The following MMP20 variants were observed in gnomAD, a reference collection of about 807,000 sequenced individuals.
The protein encoded by MMP20 is matrix metalloproteinase-20.
In MMP20, 50 loss-of-function variants were observed where a neutral mutation model predicts 51.8. The ratio of observed to expected loss-of-function variants is 0.97; its 90% CI spans 0.77 to 1.22. MMP20 has a LOEUF of 1.22. Among genes scored for constraint, MMP20 ranks in the 50% most tolerant of loss-of-function variants. The pLI, the probability that MMP20 is intolerant of heterozygous loss-of-function variation, is 0.00. For synonymous variants in MMP20, 244 were observed against 216.2 expected (o/e 1.13, Z -1.13); for missense variants, 663 against 601.4 (o/e 1.10, Z -1.07).
chr11:102,597,713 A>C (rs1251556650), intron 6 of MMP20, among the ~76,000 whole-genome samples: 2 of 152,240 alleles, frequency 1.3e-5, no homozygotes, highest in Non-Finnish European at 2.9e-5. Context: ...TATAATGTGC[A>C]CATAGGATAG....
chr11:102,602,116 A>ATTTTTTTTTTT (rs10593493), intron 6 of MMP20, among the ~76,000 whole-genome samples: 33 of 109,646 alleles, frequency 3.0e-4, no homozygotes, highest in African/African-American at 4.2e-4. Flanking sequence ...CGCCCGGCTA[A>ATTTTTTTTTTT]TTTTTTTTTT....
chr11:102,602,543 C>T (rs999125388), intron 6 of MMP20, among the ~76,000 whole-genome samples: 2 of 152,096 alleles, frequency 1.3e-5, no homozygotes, highest in Non-Finnish European at 2.9e-5. Flanking sequence ...GGCATATGTT[C>T]ATTCAGGTTA....
Position 102,606,519 on chromosome 11 carries a change from C to A in MMP20, c.953+16G>T, listed in dbSNP as rs1395472806. 1 of 1,613,470 alleles carries A rather than the reference C, an allele frequency of 6.2e-7. No individual in the cohort carries two copies. The highest frequency in any genetic ancestry group is 1.3e-5 in the African/African-American group (1 of 74,958). ...GATGAGGCCCAATGAGAGTCGGTGG[C>A]GTGTCTGAGGCTTACCGGTCCTTGA... On this transcript the variant is annotated intron_variant, in intron 6 of 9. Transcript: ENST00000260228.
At chr11:102,593,342 G>A (rs1261161216) in intron 8 of MMP20, 97 bp downstream of exon 8, 8 of 1,366,438 alleles carry the variant, frequency 5.9e-6, no homozygotes, top group Admixed American at 3.8e-5. Context: ...CGGGCCTATC[G>A]CAAACTTGCT....
In MMP20 at chr11:102,621,062, T is replaced by C. The variant is rs191800689; in HGVS notation, c.127-4003A>G. Reference sequence around the variant, plus strand: ...GGTCAGCAGCTTAACTCTTTCTCTCTCTGGGCACAAGCCGGTTCCTGGCTC... The same window carrying C: ...GGTCAGCAGCTTAACTCTTTCTCTCCCTGGGCACAAGCCGGTTCCTGGCTC... On this transcript the variant is annotated intron_variant, in intron 1 of 9. Transcript: ENST00000260228. Among the ~76,000 whole-genome samples, 507 of 152,286 alleles carry C rather than the reference T, an allele frequency of 3.3e-3. 1 individual carries two copies. Among genetic ancestry groups the C allele is most frequent in the Non-Finnish European group, 5.1e-3 (346 of 68,034 alleles).
chr11:102,605,169 T>TGAAG (rs1336724549), intron 6 of MMP20: 3 of 152,198 alleles, frequency 2.0e-5, no homozygotes, highest in African/African-American at 7.2e-5. Context: ...TCTCTGTACA[T>TGAAG]GAAGGGATCA....
intron 6 of MMP20, among the ~76,000 whole-genome samples, chr11:102,602,849 T>C (rs1784435): frequency 0.51 from 77,591 of 152,066 alleles, 20,325 homozygotes; most frequent in South Asian, 0.66. Context: ...CATAATATGA[T>C]AGATGCAAAT....
At chr11:102,617,376 A>G (rs376331804) in intron 1 of MMP20, among the ~76,000 whole-genome samples, 1 of 152,212 alleles carries the variant, frequency 6.6e-6, no homozygotes, top group African/African-American at 2.4e-5. Context: ...AAAGAAAAAA[A>G]TTCAGGGAAG....
intron 7 of MMP20, among the ~76,000 whole-genome samples, chr11:102,594,161 G>C (rs1011318528): frequency 6.6e-6 from 1 of 152,224 alleles, no homozygotes; most frequent in African/African-American, 2.4e-5. Flanking sequence ...TAAAGGGCTA[G>C]AGCCAGAGAT....
rs987384852 is a variant in MMP20 at position 102,625,320 on chromosome 11, C to A, written c.-1G>T. On this transcript the variant is annotated 5_prime_UTR_variant, in exon 1 of 10. Coordinates refer to ENST00000260228, the MANE Select transcript of MMP20 (RefSeq NM_004771.4). ...GGCCAGATGCAGGGAGCACCTTCAT[C>A]CCCTCACAGTAGCTTGGTAATTATA... The A allele has an allele frequency of 7.4e-6, 12 of 1,613,064 alleles. No homozygotes were observed. Among genetic ancestry groups the A allele is most frequent in the South Asian group, 2.2e-5 (2 of 91,058 alleles).
At chr11:102,586,950 A>G (rs1407912541) in intron 8 of MMP20, among the ~76,000 whole-genome samples, 1 of 152,024 alleles carries the variant, frequency 6.6e-6, no homozygotes, top group Non-Finnish European at 1.5e-5. Context: ...TATTTTATTT[A>G]TTTCCATTAT....
intron 6 of MMP20, among the ~76,000 whole-genome samples, chr11:102,603,061 C>T (rs1000712164): frequency 4.6e-5 from 7 of 152,160 alleles, no homozygotes; most frequent in African/African-American, 9.7e-5. Flanking sequence ...TTTGAATGTA[C>T]GTTTATACAC....
At chr11:102,620,904 G>A (rs2135949172) in intron 1 of MMP20, among the ~76,000 whole-genome samples, 1 of 152,324 alleles carries the variant, frequency 6.6e-6, no homozygotes, top group Non-Finnish European at 1.5e-5. Context: ...GGGAGGGGGT[G>A]AGGGCATAGG....
At chr11:102,596,246 T>C (rs1043037997) in intron 6 of MMP20, among the ~76,000 whole-genome samples, 1 of 152,152 alleles carries the variant, frequency 6.6e-6, no homozygotes, top group Non-Finnish European at 1.5e-5. Context: ...AAGCTGATGA[T>C]AAAATCCAAA....
intron 1 of MMP20, among the ~76,000 whole-genome samples, chr11:102,617,521 A>G (rs1859690137): frequency 6.6e-6 from 1 of 152,218 alleles, no homozygotes; most frequent in Non-Finnish European, 1.5e-5. Flanking sequence ...ACATAATGCA[A>G]GATCAGTATG....
intron 6 of MMP20, among the ~76,000 whole-genome samples, chr11:102,601,872 T>A (rs1347180782): frequency 1.3e-5 from 2 of 152,178 alleles, no homozygotes; most frequent in Non-Finnish European, 2.9e-5. Flanking sequence ...GTCCTCAGAA[T>A]GCCTTTTATT....
intron 8 of MMP20, among the ~76,000 whole-genome samples, chr11:102,592,878 A>G (rs1859333821): frequency 1.3e-5 from 2 of 152,244 alleles, no homozygotes; most frequent in African/African-American, 4.8e-5. Context: ...ATGACATCTG[A>G]TTCAGACTTG....
intron 4 of MMP20, among the ~76,000 whole-genome samples, 167 bp from the exon 5 acceptor site, chr11:102,609,265 T>C (rs1183900558): frequency 6.6e-6 from 1 of 152,210 alleles, no homozygotes; most frequent in African/African-American, 2.4e-5. Context: ...CTTTGGTGAC[T>C]TTAATTCTTC....
chr11:102,594,501 A>G (rs2135934141), intron 7 of MMP20, 120 bp downstream of exon 7: 2 of 1,326,048 alleles, frequency 1.5e-6, no homozygotes, highest in Admixed American at 2.0e-5. Context: ...CAACCTGAGG[A>G]CAAAGAGCAA....
Sources: gnomAD v4.1 joint callset for allele counts (sites outside exome capture counted in the v4.1 genomes callset) on GRCh38, gnomAD v4.1.1 for gene constraint, MANE v1.5 for transcripts, NCBI Gene and HGNC (gene_info 2026-07-23, HGNC 2026-07-21) for gene names.